Variants in WHR1 observed in about 807,000 individuals in gnomAD.
WHR1 encodes the protein MHC class III HLA-RP1.
the WHR1 span, chr6:31,972,444 G>T: frequency 6.2e-7 from 1 of 1,613,084 alleles, no homozygotes; most frequent in Non-Finnish European, 8.5e-7. This position sits in a 1 kb window ranked among gnomAD's most constrained non-coding sequence, Gnocchi z 6.3. Flanking sequence ...TGATCCCGGA[G>T]ACCTTTGGAG....
the WHR1 span, chr6:31,979,635 T>C: frequency 6.5e-7 from 1 of 1,539,964 alleles, no homozygotes; most frequent in Non-Finnish European, 8.8e-7. Context: ...GTCCTCCTGT[T>C]TTTTTGGTGA....
chr6:31,973,974 G>A, the WHR1 span, among the ~76,000 whole-genome samples: 2 of 152,034 alleles, frequency 1.3e-5, no homozygotes, highest in African/African-American at 4.8e-5. Flanking sequence ...AGGCAGAGAG[G>A]GACTTGCCTG....
the WHR1 span, chr6:31,971,588 G>A: frequency 9.9e-6 from 16 of 1,613,786 alleles, no homozygotes; most frequent in Admixed American, 1.7e-5. The surrounding 1 kb of genome is among the most constrained non-coding windows in gnomAD (Gnocchi z 4.5). Context: ...GGGTCTGTGG[G>A]CAGAGAAGGT....
At chr6:31,976,272 C>T in the WHR1 span, among the ~76,000 whole-genome samples, 1 of 151,278 alleles carries the variant, frequency 6.6e-6, no homozygotes, top group Admixed American at 6.6e-5. Context: ...CTGACCCCCC[C>T]ACCTCCCTCC....
At chr6:31,978,160 GAGA>G in the WHR1 span, among the ~76,000 whole-genome samples, 6 of 152,158 alleles carry the variant, frequency 3.9e-5, no homozygotes, top group Non-Finnish European at 8.8e-5. Context: ...TTTTTTTTAA[GAGA>G]TGGGGTCTCA....
At chr6:31,977,083 C>G in the WHR1 span, among the ~76,000 whole-genome samples, 1 of 152,192 alleles carries the variant, frequency 6.6e-6, no homozygotes, top group African/African-American at 2.4e-5. Flanking sequence ...TTTTTATTCT[C>G]TCTTTGAGTT....
chr6:31,981,020 G>A, the WHR1 span: 1 of 517,816 alleles, frequency 1.9e-6, no homozygotes, highest in Non-Finnish European at 3.2e-6. Flanking sequence ...TACCACTTCA[G>A]GAACCCTCCT....
At chr6:31,980,530 A>G in the WHR1 span, 23 of 1,612,834 alleles carry the variant, frequency 1.4e-5, no homozygotes, top group Admixed American at 8.3e-5. Flanking sequence ...TGGGAGATTC[A>G]TCAAGTACTT....
chr6:31,972,447 C>T, the WHR1 span: 3 of 1,613,082 alleles, frequency 1.9e-6, no homozygotes, highest in Non-Finnish European at 2.5e-6. This position sits in a 1 kb window ranked among gnomAD's most constrained non-coding sequence, Gnocchi z 6.3. Context: ...TCCCGGAGAC[C>T]TTTGGAGTTA....
the WHR1 span, chr6:31,972,072 G>A: frequency 6.2e-7 from 1 of 1,612,888 alleles, no homozygotes; most frequent in South Asian, 1.1e-5. This position sits in a 1 kb window ranked among gnomAD's most constrained non-coding sequence, Gnocchi z 6.3. Flanking sequence ...CCGGGGCGGG[G>A]GAGGTGTGAG....
At chr6:31,973,233 G>T in the WHR1 span, 1 of 345,962 alleles carries the variant, frequency 2.9e-6, no homozygotes, top group East Asian at 7.4e-5. Context: ...GTGAGGAAGA[G>T]GGAGGAGTCC....
the WHR1 span, among the ~76,000 whole-genome samples, chr6:31,973,955 C>G: frequency 1.3e-5 from 2 of 152,096 alleles, no homozygotes; most frequent in African/African-American, 4.8e-5. Context: ...GAAGAGGAAT[C>G]TGTGACAGAG....
chr6:31,980,373 G>A, the WHR1 span: 1 of 1,335,516 alleles, frequency 7.5e-7, no homozygotes, highest in South Asian at 1.4e-5. Flanking sequence ...GGAGACTTGT[G>A]TAAACATTAA....
chr6:31,974,422 T>C, the WHR1 span, among the ~76,000 whole-genome samples: 1 of 152,036 alleles, frequency 6.6e-6, no homozygotes, highest in Non-Finnish European at 1.5e-5. Context: ...AAGTAAAATA[T>C]AAACTGAAAT....
chr6:31,972,138 C>A, the WHR1 span: 1 of 1,612,984 alleles, frequency 6.2e-7, no homozygotes, highest in South Asian at 1.1e-5. The surrounding 1 kb of genome is among the most constrained non-coding windows in gnomAD (Gnocchi z 6.3). Context: ...ACGCCGCCAA[C>A]GAGTCCCCGG....
At chr6:31,978,262 G>A in the WHR1 span, among the ~76,000 whole-genome samples, 1 of 151,960 alleles carries the variant, frequency 6.6e-6, no homozygotes, top group South Asian at 2.1e-4. Flanking sequence ...AAGTAGCTAG[G>A]ACCATAGGTG....
the WHR1 span, among the ~76,000 whole-genome samples, chr6:31,976,318 C>T: frequency 6.6e-6 from 1 of 151,812 alleles, no homozygotes; most frequent in African/African-American, 2.4e-5. Flanking sequence ...ATGCTCCTCA[C>T]TTCTCAGACG....
chr6:31,979,039 C>A, the WHR1 span: 1 of 1,591,998 alleles, frequency 6.3e-7, no homozygotes, highest in Non-Finnish European at 8.6e-7. Flanking sequence ...GGGGAGGGCA[C>A]AGGTTGGGGG....
chr6:31,980,935 CAAGTTCT>C, the WHR1 span: 1 of 744,540 alleles, frequency 1.3e-6, no homozygotes, highest in Non-Finnish European at 2.1e-6. Flanking sequence ...CACCCCTTCC[CAAGTTCT>C]AAGTTCTCCT....
Sources: gnomAD v4.1 joint callset for allele counts (sites outside exome capture counted in the v4.1 genomes callset) on GRCh38, gnomAD v4.1.1 for gene constraint, Gnocchi (gnomAD v3.1) non-coding constraint, MANE v1.5 for transcripts, NCBI Gene and HGNC (gene_info 2026-07-23, HGNC 2026-07-21) for gene names.